The following SRF variants were observed in gnomAD, a reference collection of about 807,000 sequenced individuals.
The protein encoded by SRF is c-fos serum response element-binding transcription factor.
SRF carries 7 observed loss-of-function variants against 37.1 expected under a neutral mutation model. The ratio of observed to expected loss-of-function variants is 0.19; its 90% CI spans 0.11 to 0.35. The LOEUF is 0.35. Ranked by LOEUF, SRF falls within the 10% of genes least tolerant of loss-of-function variation. The pLI, the probability that SRF is intolerant of heterozygous loss-of-function variation, is 1.00. For synonymous variants in SRF, 285 were observed against 310.1 expected (o/e 0.92, Z 0.85); for missense variants, 395 against 694.4 (o/e 0.57, Z 4.85).
Position 43,178,281 on chromosome 6 carries a change from CTG to C in SRF, c.1163-9_1163-8del, listed in dbSNP as rs2150497614. On this transcript the variant is annotated splice_polypyrimidine_tract_variant and intron_variant, in intron 4 of 6. Transcript: ENST00000265354. The surrounding 1 kb of genome is among the most constrained non-coding windows in gnomAD (Gnocchi z 4.3). ...GGACCAGTGCCGAGCTGACACATGT[CTG>C]TGTTTGCCAGTGACGCTGCCCGCCA... 1.3e-6 allele frequency: 2 copies of C among 1,586,210 alleles called. No individual in the cohort carries two copies. The highest frequency in any genetic ancestry group is 1.7e-6 in the Non-Finnish European group (2 of 1,159,518).
chr6:43,175,776 G>C lies in SRF; in HGVS notation c.851G>C (p.Ser284Thr), dbSNP rs771919205. 1 of 1,614,188 alleles carries C rather than the reference G, an allele frequency of 6.2e-7. No individual in the cohort carries two copies. Among genetic ancestry groups the C allele is most frequent in the South Asian group, 1.1e-5 (1 of 91,092 alleles). The part of the protein sequence containing the change: ...GTTSTIQTAP[S>T]TSTTMQVSSG... ...ACCTCCACCATCCAAACAGCACCTA[G>C]CACCTCTACCACCATGCAAGTCAGC... is the stretch of plus-strand genomic sequence containing the variant. The change falls in exon 3 of 7, where the codon AGC becomes ACC. Residue 284 changes from serine (S) to threonine (T), a missense_variant. Ser to Thr is a moderately conservative substitution (Grantham distance 58). Around this residue, in one of 4 missense-constraint regions of SRF, gnomAD observed 232 missense variants for 335.6 expected, o/e 0.69. Transcript: ENST00000265354.
intron 4 of SRF, among the ~76,000 whole-genome samples, chr6:43,177,432 T>G (rs1271946259): frequency 1.5e-4 from 22 of 150,614 alleles, no homozygotes; most frequent in African/African-American, 4.9e-4. Flanking sequence ...GGGTTTCACC[T>G]TGTTAGCCAG....
chr6:43,174,505 G>A (rs1772162135), intron 2 of SRF, among the ~76,000 whole-genome samples: 1 of 152,256 alleles, frequency 6.6e-6, no homozygotes, highest in African/African-American at 2.4e-5. Context: ...AGCACTCTTG[G>A]CAGGCGGGCT....
Position 43,175,608 on chromosome 6 carries a change from A to G in SRF, c.781-98A>G, listed in dbSNP as rs1772181526. 32 of 1,517,930 alleles carry G rather than the reference A, an allele frequency of 2.1e-5. 1 individual carries two copies. In the South Asian group the frequency reaches 3.3e-4, roughly 16 times the overall value. The allele number at this position is 1,517,930 out of a possible 1,614,324, so 94.0% of individuals were successfully genotyped here. A position where few individuals can be genotyped will look rare whatever the true frequency, so the allele number is the denominator to read the frequency against. ...ATGGTGGCGTTGGGATTTGAACCCA[A>G]GCTCACTGGTTTCAGTCTGGGTTCT... On this transcript the variant is annotated intron_variant, in intron 2 of 6. Transcript: ENST00000265354.
chr6:43,171,960 C>G lies in SRF; in HGVS notation c.304C>G (p.Leu102Val), dbSNP rs557282319. 2 of 1,520,180 alleles carry G rather than the reference C, an allele frequency of 1.3e-6. No homozygotes were observed. The highest frequency in any genetic ancestry group is 8.8e-7 in the Non-Finnish European group (1 of 1,134,114). 94.2% of individuals were successfully genotyped at this position (1,520,180 alleles called of 1,614,324 possible). A position where few individuals can be genotyped will look rare whatever the true frequency, so the allele number is the denominator to read the frequency against. Residue 102 changes from leucine to valine, a missense_variant, in exon 1 of 7, where the codon CTG becomes GTG. This residue lies in a region of SRF where 134 missense variants were observed against 204.5 expected (regional missense o/e 0.66). Coordinates refer to ENST00000265354, the MANE Select transcript of SRF (RefSeq NM_003131.4). The surrounding 1 kb of genome is among the most constrained non-coding windows in gnomAD (Gnocchi z 6.5). ...GAERRGLKRS[L>V]SEMEIGMVVG... is the part of the protein sequence containing the mutation. Reference sequence around the variant, plus strand: ...CGAGCGGCGCGGCCTGAAGCGGAGCCTGAGCGAGATGGAGATCGGTATGGT... The same window carrying G: ...CGAGCGGCGCGGCCTGAAGCGGAGCGTGAGCGAGATGGAGATCGGTATGGT...
At position 43,179,430 on chromosome 6, in the gene SRF, G is replaced by T; in HGVS notation, c.*240G>T. 1.8e-6 allele frequency: 1 copy of T among 563,696 alleles called. No individual in the cohort carries two copies. Among genetic ancestry groups the T allele is most frequent in the Middle Eastern group, 4.8e-4 (1 of 2,104 alleles). The allele number at this position is 563,696 out of a possible 1,614,324, so 34.9% of individuals were successfully genotyped here. ...ACCTCCCATTTCTGTTGCTGGAGGG[G>T]CTGTCCTCCTTCCTGGGACCCCCTC... is the stretch of plus-strand genomic sequence containing the variant. On this transcript the variant is annotated 3_prime_UTR_variant, in exon 7 of 7. Transcript: ENST00000265354. The surrounding 1 kb of genome is among the most constrained non-coding windows in gnomAD (Gnocchi z 5.3).
chr6:43,171,414 C>A lies in SRF; in HGVS notation c.-243C>A. 3.7e-6 allele frequency: 1 copy of A among 271,744 alleles called. No individual in the cohort carries two copies. The allele number at this position is 271,744 out of a possible 1,614,324, so 16.8% of individuals were successfully genotyped here. A position where few individuals can be genotyped will look rare whatever the true frequency, so the allele number is the denominator to read the frequency against. ...ACGCTGACGGCCGCCCGGCGCGCCG[C>A]CCTAGCAGACGGACAGGGGGCGCTG... On this transcript the variant is annotated 5_prime_UTR_variant, in exon 1 of 7. Coordinates refer to ENST00000265354, the MANE Select transcript of SRF (RefSeq NM_003131.4). This position sits in a 1 kb window ranked among gnomAD's most constrained non-coding sequence, Gnocchi z 6.5.
Position 43,176,660 on chromosome 6 carries a change from C to T in SRF, c.1155C>T (p.Ser385=), listed in dbSNP as rs748750154. 38 of 1,613,868 alleles carry T rather than the reference C, an allele frequency of 2.4e-5. No individual in the cohort carries two copies. The highest frequency in any genetic ancestry group is 3.3e-4 in the Middle Eastern group (2 of 6,084). ...CAGACCTCACGCAGACCTCCTCCAG[C>T]GGGACAGGTATAGCTCGCAGCCCTG... is the stretch of plus-strand genomic sequence containing the variant. The part of the protein sequence containing the change: ...SSTDLTQTSS[S]GTVTLPATIM... Residue 385 remains serine (S), a synonymous_variant, in exon 4 of 7, where the codon AGC becomes AGT. Coordinates refer to ENST00000265354, the MANE Select transcript of SRF (RefSeq NM_003131.4). This position sits in a 1 kb window ranked among gnomAD's most constrained non-coding sequence, Gnocchi z 4.0.
chr6:43,175,584 T>C, intron 2 of SRF, 122 bp from the exon 3 acceptor site: 1 of 1,278,266 alleles, frequency 7.8e-7, no homozygotes, highest in East Asian at 2.3e-5. Flanking sequence ...ATCAGGTAAA[T>C]GGTGGCGTTG....
chr6:43,173,805 A>T lies in SRF; in HGVS notation c.514-42A>T. The T allele has an allele frequency of 1.3e-6, 2 of 1,592,124 alleles. No homozygotes were observed. The highest frequency in any genetic ancestry group is 1.7e-6 in the Non-Finnish European group (2 of 1,167,398). ...CCAACTTCTCAAGGAAGGTAGAGAT[A>T]AAAAGTTTGCTGACCTGCCCATCTC... On this transcript the variant is annotated intron_variant, in intron 1 of 6. Transcript: ENST00000265354. This position sits in a 1 kb window ranked among gnomAD's most constrained non-coding sequence, Gnocchi z 4.2.
In SRF at chr6:43,175,963, G is replaced by A. The variant is rs1190493592; in HGVS notation, c.1038G>A (p.Met346Ile). Residue 346 changes from methionine (M) to isoleucine (I), a missense_variant, in exon 3 of 7, where the codon ATG becomes ATA. Physicochemically the swap from Met to Ile is conservative, Grantham distance 10 (BLOSUM62 1). Transcript: ENST00000265354. ...LMQLPTSFTLMPGGAVAQQVP... is the reference protein window; with the variant it reads ...LMQLPTSFTLIPGGAVAQQVP... ...AGCTGCCTACCAGCTTCACCCTCAT[G>A]CCTGGTGAGTCACGAGGGGCAGGGA... The A allele has an allele frequency of 6.2e-7, 1 of 1,611,000 alleles. No individual in the cohort carries two copies. The highest frequency in any genetic ancestry group is 8.5e-7 in the Non-Finnish European group (1 of 1,178,332).
In SRF at chr6:43,171,521, C is replaced by T; in HGVS notation, c.-136C>T. On this transcript the variant is annotated 5_prime_UTR_variant, in exon 1 of 7. Transcript: ENST00000265354. This position sits in a 1 kb window ranked among gnomAD's most constrained non-coding sequence, Gnocchi z 6.5. ...CCCGGGCGTGCAGGGGCCCCGGGTTCGCAGCGGCGGCCGCGGCAGCGATAG... is the reference window on the plus strand; with the variant it reads ...CCCGGGCGTGCAGGGGCCCCGGGTTTGCAGCGGCGGCCGCGGCAGCGATAG... The T allele has an allele frequency of 9.8e-7, 1 of 1,016,566 alleles. No individual in the cohort carries two copies. The highest frequency in any genetic ancestry group is 1.2e-6 in the Non-Finnish European group (1 of 807,602). The allele number at this position is 1,016,566 out of a possible 1,614,324, so 63.0% of individuals were successfully genotyped here.
At position 43,179,192 on chromosome 6, in the gene SRF, C is replaced by G. The variant is rs750414610; in HGVS notation, c.*2C>G. 4 of 1,614,196 alleles carry G rather than the reference C, an allele frequency of 2.5e-6. No homozygotes were observed. The highest frequency in any genetic ancestry group is 3.4e-6 in the Non-Finnish European group (4 of 1,180,002). On this transcript the variant is annotated 3_prime_UTR_variant, in exon 7 of 7. Coordinates refer to ENST00000265354, the MANE Select transcript of SRF (RefSeq NM_003131.4). The surrounding 1 kb of genome is among the most constrained non-coding windows in gnomAD (Gnocchi z 5.3). ...GCCCACAGCACCAAGAGTGAATGAT[C>G]CGCCCGCCGCCCTGGACAGATGGCC... is the stretch of plus-strand genomic sequence containing the variant.
At chr6:43,175,216 G>T (rs1390399631) in intron 2 of SRF, among the ~76,000 whole-genome samples, 3 of 152,102 alleles carry the variant, frequency 2.0e-5, no homozygotes, top group African/African-American at 7.2e-5. Context: ...GCCCCCTCAT[G>T]CTTATAGAAG....
intron 2 of SRF, 47 bp downstream of exon 2, chr6:43,174,160 C>G: frequency 6.3e-7 from 1 of 1,598,138 alleles, no homozygotes; most frequent in Non-Finnish European, 8.5e-7. Flanking sequence ...AGTGGGGTCC[C>G]TCTCCCTTTC....
At chr6:43,175,499 G>T (rs572040989) in intron 2 of SRF, among the ~76,000 whole-genome samples, 3 of 152,246 alleles carry the variant, frequency 2.0e-5, no homozygotes, top group South Asian at 2.1e-4. Flanking sequence ...AGCAACCTAG[G>T]GGGTAGGTAT....
In SRF at chr6:43,178,020, T is replaced by C. The variant is rs959872522; in HGVS notation, c.1163-274T>C. ...TTTTCTGAGAGTAGGTCAGTCATAA[T>C]CTTTGTTTTTCCCAAGATTTAGGAC... On this transcript the variant is annotated intron_variant, in intron 4 of 6. Coordinates refer to ENST00000265354, the MANE Select transcript of SRF (RefSeq NM_003131.4). The surrounding 1 kb of genome is among the most constrained non-coding windows in gnomAD (Gnocchi z 4.3). Among the ~76,000 whole-genome samples the C allele has an allele frequency of 1.3e-5, 2 of 151,988 alleles. No individual in the cohort carries two copies. Among genetic ancestry groups the C allele is most frequent in the African/African-American group, 4.8e-5 (2 of 41,332 alleles).
At position 43,178,886 on chromosome 6, in the gene SRF, G is replaced by C. The variant is rs369480035; in HGVS notation, c.1431+4G>C. 6 of 1,613,984 alleles carry C rather than the reference G, an allele frequency of 3.7e-6. No homozygotes were observed. The African/African-American group carries it at 4.0e-5, about 11-fold the overall frequency. On this transcript the variant is annotated splice_donor_region_variant and intron_variant, in intron 6 of 6. Transcript: ENST00000265354. This position sits in a 1 kb window ranked among gnomAD's most constrained non-coding sequence, Gnocchi z 4.3. Reference sequence around the variant, plus strand: ...TTCAGCAGTTCAGCTCCACCAGGTAGGTAGGGATATCTTTCACCCCATCCC... The same window carrying C: ...TTCAGCAGTTCAGCTCCACCAGGTACGTAGGGATATCTTTCACCCCATCCC...
rs1582260538 is a variant in SRF at position 43,181,060 on chromosome 6, C to T, written c.*1870C>T. 1 of 152,566 alleles carries T rather than the reference C, an allele frequency of 6.6e-6. No individual in the cohort carries two copies. The highest frequency in any genetic ancestry group is 2.1e-4 in the South Asian group (1 of 4,822). The allele number at this position is 152,566 out of a possible 1,614,324, so 9.5% of individuals were successfully genotyped here. A position where few individuals can be genotyped will look rare whatever the true frequency, so the allele number is the denominator to read the frequency against. ...GGACTCAGGTCTGTAACTGCCCAGC[C>T]CCTTTTCTCTGCTCTTGTTTCACTC... On this transcript the variant is annotated 3_prime_UTR_variant, in exon 7 of 7. Transcript: ENST00000265354.
Sources: gnomAD v4.1 joint callset for allele counts (sites outside exome capture counted in the v4.1 genomes callset) on GRCh38, gnomAD v4.1.1 for gene constraint, gnomAD v4.1.1 regional missense constraint, Gnocchi (gnomAD v3.1) non-coding constraint, MANE v1.5 for transcripts, NCBI Gene and HGNC (gene_info 2026-07-23, HGNC 2026-07-21) for gene names.